FHIT: variants seen among roughly 807,000 people sequenced by gnomAD.
FHIT encodes the protein fragile histidine triad diadenosine triphosphatase.
A neutral mutation model predicts 17.9 loss-of-function variants in FHIT; 19 were observed. That is an observed-to-expected ratio of 1.06 (90% CI 0.74 to 1.56). The LOEUF is 1.56. Ranked by LOEUF, FHIT falls within the 40% of genes most tolerant of loss-of-function variation. FHIT has a pLI of 0.00. For missense variants in FHIT, 248 were observed against 189.2 expected (o/e 1.31, Z -1.82); for synonymous variants, 81 against 69.7 (o/e 1.16, Z -0.81).
chr3:60,502,442 G>A (rs990931307), intron 5 of FHIT, among the ~76,000 whole-genome samples: 30 of 152,018 alleles, frequency 2.0e-4, no homozygotes, highest in Admixed American at 1.4e-3. Context: ...ATCATTGGCT[G>A]GTCTCCTCAT....
intron 4 of FHIT, among the ~76,000 whole-genome samples, chr3:60,712,575 G>A (rs1304733288): frequency 6.6e-6 from 1 of 152,026 alleles, no homozygotes; most frequent in Admixed American, 6.6e-5. Context: ...TAAAGGGATG[G>A]AGGAAGATCT....
At chr3:59,867,951 G>T (rs55662151) in intron 8 of FHIT, among the ~76,000 whole-genome samples, 1 of 148,974 alleles carries the variant, frequency 6.7e-6, no homozygotes, top group Non-Finnish European at 1.5e-5. Flanking sequence ...CAGAGCTGGT[G>T]ACAGTCTTGA....
At chr3:60,399,719 T>G (rs1417382217) in intron 5 of FHIT, among the ~76,000 whole-genome samples, 2 of 152,154 alleles carry the variant, frequency 1.3e-5, no homozygotes, top group Non-Finnish European at 2.9e-5. Flanking sequence ...AAATACAAAG[T>G]AGGACACCAT....
At chr3:61,002,431 C>A (rs969255231) in intron 3 of FHIT, among the ~76,000 whole-genome samples, 5 of 151,998 alleles carry the variant, frequency 3.3e-5, no homozygotes, top group Non-Finnish European at 7.4e-5. Context: ...CCAGGCCAGT[C>A]TTTTACTTTT....
rs76479766 is a variant in FHIT at position 60,066,054 on chromosome 3, G to C, written c.104-51902C>G. Among the ~76,000 whole-genome samples, 1,468 of 152,174 alleles carry C rather than the reference G, an allele frequency of 9.6e-3. 17 individuals carry two copies. Among genetic ancestry groups the C allele is most frequent in the African/African-American group, 0.034 (1,396 of 41,524 alleles). On this transcript the variant is annotated intron_variant, in intron 5 of 9. Coordinates refer to ENST00000492590, the MANE Select transcript of FHIT (RefSeq NM_002012.4). ...TTTTTAAGCAACTGTTAAAGGCAGG[G>C]TTTCTGTTACATGCAGCTGAACTCA... is the stretch of plus-strand genomic sequence containing the variant.
intron 4 of FHIT, among the ~76,000 whole-genome samples, chr3:60,613,989 A>T (rs1186097662): frequency 6.6e-6 from 1 of 152,134 alleles, no homozygotes; most frequent in Non-Finnish European, 1.5e-5. Context: ...AGCTTGGCAG[A>T]AAATCAACAG....
chr3:61,023,290 T>C (rs1314746442), intron 3 of FHIT, among the ~76,000 whole-genome samples: 1 of 152,148 alleles, frequency 6.6e-6, no homozygotes, highest in African/African-American at 2.4e-5. Context: ...TTACAAGGGA[T>C]GTGAAGGACC....
At chr3:60,528,904 T>C (rs1163139047) in intron 5 of FHIT, among the ~76,000 whole-genome samples, 1 of 152,188 alleles carries the variant, frequency 6.6e-6, no homozygotes, top group Non-Finnish European at 1.5e-5. Flanking sequence ...CCTTTGACAT[T>C]GGTCAGTACC....
At chr3:60,380,843 G>A (rs1700768643) in intron 5 of FHIT, among the ~76,000 whole-genome samples, 1 of 152,158 alleles carries the variant, frequency 6.6e-6, no homozygotes, top group Non-Finnish European at 1.5e-5. Flanking sequence ...ATAGCTGTCT[G>A]ATATCTTGGT....
intron 3 of FHIT, among the ~76,000 whole-genome samples, chr3:60,835,070 T>C (rs1410525536): frequency 3.3e-5 from 5 of 152,118 alleles, no homozygotes; most frequent in African/African-American, 1.2e-4. Context: ...AAAGAAGGGT[T>C]CTTTATTCTG....
chr3:60,688,301 A>G (rs923629699), intron 4 of FHIT, among the ~76,000 whole-genome samples: 3 of 152,220 alleles, frequency 2.0e-5, no homozygotes, highest in African/African-American at 7.2e-5. Flanking sequence ...TTCAGGTAAT[A>G]TATGGCAGTG....
intron 4 of FHIT, among the ~76,000 whole-genome samples, chr3:60,638,613 G>A (rs563819230): frequency 5.3e-5 from 8 of 152,088 alleles, no homozygotes; most frequent in African/African-American, 1.9e-4. Context: ...AGATGTTTTA[G>A]GTGATTCCAC....
chr3:59,848,425 G>T (rs555871392), intron 8 of FHIT, among the ~76,000 whole-genome samples: 1 of 152,064 alleles, frequency 6.6e-6, no homozygotes, highest in Admixed American at 6.6e-5. Flanking sequence ...TATAGGGAAA[G>T]AATGCCAAAA....
chr3:59,821,557 A>T (rs1312387493), intron 8 of FHIT, among the ~76,000 whole-genome samples: 3 of 152,158 alleles, frequency 2.0e-5, no homozygotes, highest in Admixed American at 1.3e-4. Flanking sequence ...TCTGCCTTGC[A>T]GAGTTCTCCC....
At chr3:60,277,993 T>C (rs1186758807) in intron 5 of FHIT, among the ~76,000 whole-genome samples, 1 of 152,158 alleles carries the variant, frequency 6.6e-6, no homozygotes, top group Non-Finnish European at 1.5e-5. Flanking sequence ...CAAAGCAAAC[T>C]AGTATCCCCA....
intron 3 of FHIT, among the ~76,000 whole-genome samples, chr3:61,020,597 A>G (rs2032366777): frequency 6.6e-6 from 1 of 152,196 alleles, no homozygotes; most frequent in Non-Finnish European, 1.5e-5. Flanking sequence ...CAACACTATG[A>G]AAAAACTGCA....
intron 3 of FHIT, among the ~76,000 whole-genome samples, chr3:60,969,640 A>C (rs1709910453): frequency 6.6e-6 from 1 of 152,138 alleles, no homozygotes; most frequent in Non-Finnish European, 1.5e-5. Flanking sequence ...GAATTCTATC[A>C]TTATCATTTT....
At chr3:59,939,879 C>A (rs1413368192) in intron 7 of FHIT, among the ~76,000 whole-genome samples, 1 of 152,182 alleles carries the variant, frequency 6.6e-6, no homozygotes, top group African/African-American at 2.4e-5. Context: ...CATCCTCTAG[C>A]TGGCATGAAT....
chr3:61,201,959 T>C (rs751185902), intron 1 of FHIT, among the ~76,000 whole-genome samples: 40 of 152,160 alleles, frequency 2.6e-4, no homozygotes, highest in Non-Finnish European at 4.7e-4. Context: ...TGTGTGTATA[T>C]ATATGTGTGT....
Sources: gnomAD v4.1 joint callset for allele counts (sites outside exome capture counted in the v4.1 genomes callset) on GRCh38, gnomAD v4.1.1 for gene constraint, MANE v1.5 for transcripts, NCBI Gene and HGNC (gene_info 2026-07-23, HGNC 2026-07-21) for gene names.